Variants in WWOX observed in about 807,000 individuals in gnomAD.
The protein encoded by WWOX is WW domain containing oxidoreductase.
WWOX carries 69 observed loss-of-function variants against 46.2 expected under a neutral mutation model. The observed-to-expected ratio is 1.49, with a 90% CI of 1.23 to 1.82. The LOEUF (loss-of-function observed/expected upper bound fraction) is 1.82. WWOX is among the 40% of genes most tolerant of loss of function. The pLI is 0.00. For synonymous variants in WWOX, 359 were observed against 202.6 expected (o/e 1.77, Z -6.56); for missense variants, 919 against 542.6 (o/e 1.69, Z -6.89).
chr16:79,085,291 A>G (rs1004828438), intron 8 of WWOX, among the ~76,000 whole-genome samples: 10 of 152,110 alleles, frequency 6.6e-5, no homozygotes, highest in African/African-American at 2.4e-4. Flanking sequence ...TTTCCCAATG[A>G]TGAAGGAGCT....
chr16:78,405,673 T>C (rs2082511191), intron 6 of WWOX, among the ~76,000 whole-genome samples: 1 of 152,214 alleles, frequency 6.6e-6, no homozygotes, highest in Admixed American at 6.5e-5. Flanking sequence ...CAAAGTAGAA[T>C]GAGCATTTGA....
intron 5 of WWOX, among the ~76,000 whole-genome samples, chr16:78,345,168 TG>T (rs2081073049): frequency 8.5e-6 from 1 of 117,760 alleles, no homozygotes; most frequent in African/African-American, 2.9e-5. Context: ...GAGCAGTACA[TG>T]GGGGTATACA....
intron 4 of WWOX, among the ~76,000 whole-genome samples, chr16:78,134,189 C>T (rs2033709797): frequency 6.6e-6 from 1 of 152,184 alleles, no homozygotes; most frequent in African/African-American, 2.4e-5. Context: ...AACATGCTAG[C>T]AGGATGGCTT....
At chr16:79,040,599 C>CT (rs1567508166) in intron 8 of WWOX, among the ~76,000 whole-genome samples, 3 of 151,994 alleles carry the variant, frequency 2.0e-5, no homozygotes, top group Admixed American at 6.5e-5. Flanking sequence ...TTTGTCATTT[C>CT]TTTCTCACTT....
intron 8 of WWOX, among the ~76,000 whole-genome samples, chr16:79,014,343 A>T (rs1385196963): frequency 1.3e-5 from 2 of 152,170 alleles, no homozygotes; most frequent in Non-Finnish European, 1.5e-5. Flanking sequence ...GGGCAGTGAC[A>T]TGTTATTAAT....
rs553436451 is a variant in WWOX, at chr16:78,874,097, T to A, written c.1057-337511T>A. On this transcript the variant is annotated intron_variant, in intron 8 of 8. Transcript: ENST00000566780. ...CAACCCTGTCTCTACTAAAATTATT[T>A]AAAAAAAAAATAGCTGGGCATGGTG... is the stretch of plus-strand genomic sequence containing the variant. 9.5e-4 allele frequency among the ~76,000 whole-genome samples: 141 copies of A among 148,750 alleles called. 2 individuals carry two copies. The South Asian group carries it at 0.027, about 28-fold the overall frequency.
chr16:78,731,998 T>C (rs1351357646), intron 8 of WWOX, among the ~76,000 whole-genome samples: 1 of 151,890 alleles, frequency 6.6e-6, no homozygotes, highest in Non-Finnish European at 1.5e-5. Context: ...AGGTATGCAC[T>C]ACCATGCCCA....
Position 78,241,654 on chromosome 16 carries a change from G to T in WWOX, c.516+77365G>T, listed in dbSNP as rs372058700. Among the ~76,000 whole-genome samples, 10 of 152,220 alleles carry T rather than the reference G, an allele frequency of 6.6e-5. No homozygotes were observed. The South Asian group carries it at 2.1e-3, about 32-fold the overall frequency. On this transcript the variant is annotated intron_variant, in intron 5 of 8. Coordinates refer to ENST00000566780, the MANE Select transcript of WWOX (RefSeq NM_016373.4). ...GGGGTTTCAGCATGTTGTCCAGGCT[G>T]GTCTTGAACTCCTCAGCTCAAATGA...
At chr16:78,497,731 GCAGGA>G (rs1186770928) in intron 8 of WWOX, among the ~76,000 whole-genome samples, 2 of 152,152 alleles carry the variant, frequency 1.3e-5, no homozygotes, top group Non-Finnish European at 2.9e-5. Flanking sequence ...TGGACTCTCA[GCAGGA>G]CATTACAGGG....
chr16:78,695,217 G>A (rs1016852915), intron 8 of WWOX, among the ~76,000 whole-genome samples: 1 of 152,028 alleles, frequency 6.6e-6, no homozygotes, highest in Non-Finnish European at 1.5e-5. Flanking sequence ...GTTCCCTTTT[G>A]TTATTATTCT....
chr16:78,197,146 T>C (rs1046557049), intron 5 of WWOX, among the ~76,000 whole-genome samples: 1 of 152,164 alleles, frequency 6.6e-6, no homozygotes, highest in Non-Finnish European at 1.5e-5. Flanking sequence ...ATCTGTGATA[T>C]CAGATCCTTT....
intron 5 of WWOX, among the ~76,000 whole-genome samples, chr16:78,173,316 T>C (rs1230498589): frequency 6.6e-6 from 1 of 151,992 alleles, no homozygotes; most frequent in Non-Finnish European, 1.5e-5. Context: ...TGAGATAGGG[T>C]ATTGCTCTGT....
intron 5 of WWOX, among the ~76,000 whole-genome samples, chr16:78,242,806 G>A (rs1006672100): frequency 1.3e-5 from 2 of 152,090 alleles, no homozygotes; most frequent in African/African-American, 4.8e-5. Flanking sequence ...TCAGGAGTTC[G>A]AGACCAGCCT....
At chr16:79,086,901 G>A (rs1309858806) in intron 8 of WWOX, among the ~76,000 whole-genome samples, 1 of 152,098 alleles carries the variant, frequency 6.6e-6, no homozygotes, top group Non-Finnish European at 1.5e-5. Flanking sequence ...ATAAAACAAA[G>A]AGTTTATGTG....
chr16:78,879,270 G>C (rs1037512177), intron 8 of WWOX, among the ~76,000 whole-genome samples: 1 of 152,186 alleles, frequency 6.6e-6, no homozygotes, highest in Non-Finnish European at 1.5e-5. Context: ...GTAAGAGCAA[G>C]TGAAGATTGC....
chr16:78,884,725 G>T (rs1435420992), intron 8 of WWOX, among the ~76,000 whole-genome samples: 1 of 152,188 alleles, frequency 6.6e-6, no homozygotes, highest in African/African-American at 2.4e-5. Context: ...TCTGTTGCTT[G>T]TTCAAGCTAC....
chr16:78,122,111 T>G (rs560903581), intron 4 of WWOX, among the ~76,000 whole-genome samples: 1 of 152,336 alleles, frequency 6.6e-6, no homozygotes, highest in East Asian at 1.9e-4. Context: ...TGTTGATCTC[T>G]TACTGTGCCT....
intron 5 of WWOX, among the ~76,000 whole-genome samples, chr16:78,374,701 A>C (rs995346028): frequency 2.0e-5 from 3 of 151,802 alleles, no homozygotes; most frequent in Non-Finnish European, 4.4e-5. Flanking sequence ...GGTGCCCGCC[A>C]CCAGGCCTGG....
At chr16:78,494,193 A>T (rs911189441) in intron 8 of WWOX, among the ~76,000 whole-genome samples, 2 of 152,142 alleles carry the variant, frequency 1.3e-5, no homozygotes, top group Admixed American at 1.3e-4. Context: ...ATCTCAGGAG[A>T]ACTCTTTCAC....
Sources: gnomAD v4.1 joint callset for allele counts (sites outside exome capture counted in the v4.1 genomes callset) on GRCh38, gnomAD v4.1.1 for gene constraint, MANE v1.5 for transcripts, NCBI Gene and HGNC (gene_info 2026-07-23, HGNC 2026-07-21) for gene names.